CDKL2: variants seen among roughly 807,000 people sequenced by gnomAD.
The protein encoded by CDKL2 is cyclin dependent kinase like 2.
In CDKL2, 64 loss-of-function variants were observed where a neutral mutation model predicts 63.9. The ratio of observed to expected loss-of-function variants is 1.00; its 90% confidence interval spans 0.82 to 1.23. The LOEUF is 1.23. Ranked by LOEUF, CDKL2 falls within the 50% of genes most tolerant of loss-of-function variation. The pLI, the probability that CDKL2 is intolerant of heterozygous loss-of-function variation, is 0.00. For synonymous variants in CDKL2, 211 were observed against 229.2 expected, an observed-to-expected ratio of 0.92 and a Z score of 0.72; for missense variants, 656 against 668.0, an observed-to-expected ratio of 0.98 and a Z score of 0.20.
At chr4:75,584,047 C>T (rs1413804813) in intron 12 of CDKL2, among the ~76,000 whole-genome samples, 1 of 152,190 alleles carries the variant, frequency 6.6e-6, no homozygotes, top group East Asian at 1.9e-4. Context: ...GTTAATCAAA[C>T]TAATTTCAGT....
intron 1 of CDKL2, among the ~76,000 whole-genome samples, chr4:75,626,816 A>G (rs542440962): frequency 6.6e-6 from 1 of 152,062 alleles, no homozygotes; most frequent in Non-Finnish European, 1.5e-5. Flanking sequence ...GCTTGAGCCC[A>G]GGAGGTTGAG....
intron 4 of CDKL2, 116 bp from the exon 5 acceptor site, chr4:75,605,750 T>C: frequency 1.6e-6 from 1 of 633,196 alleles, no homozygotes; most frequent in East Asian, 2.8e-5. Flanking sequence ...ATTTCAGATT[T>C]CAGATTCTCA....
chr4:75,605,613 A>G lies in CDKL2; in HGVS notation c.564T>C (p.Ile188=), dbSNP rs1257991010. The change falls in exon 5 of 14, where the codon ATT becomes ATC. Residue 188 remains isoleucine (I), a synonymous_variant. Coordinates refer to ENST00000307465, the MANE Select transcript of CDKL2 (RefSeq NM_001330724.2). ...KYGKAVDVWA[I]GCLVTEMFMG... ...TGAACATTTCAGTTACCAGACAACC[A>G]ATGGCCCACACATCAACAGCCCTGA... 5 of 1,613,172 alleles carry G rather than the reference A, an allele frequency of 3.1e-6. No individual in the cohort carries two copies. The African/African-American group carries it at 6.7e-5, about 22-fold the overall frequency.
At chr4:75,593,877 A>G (rs1185846258) in intron 10 of CDKL2, among the ~76,000 whole-genome samples, 1 of 151,740 alleles carries the variant, frequency 6.6e-6, no homozygotes, top group Admixed American at 6.6e-5. Flanking sequence ...CACACACACA[A>G]ACACACACAC....
chr4:75,593,320 T>C (rs1276550699), intron 10 of CDKL2, among the ~76,000 whole-genome samples: 1 of 150,980 alleles, frequency 6.6e-6, no homozygotes, highest in African/African-American at 2.4e-5. Flanking sequence ...ATAAAACATA[T>C]ATAATATATA....
chr4:75,602,486 C>T (rs13103991), intron 6 of CDKL2, among the ~76,000 whole-genome samples: 60,880 of 150,504 alleles, frequency 0.4, 12,948 homozygotes, highest in African/African-American at 0.51. Context: ...CCATCCTATG[C>T]CCTACATTTT....
intron 2 of CDKL2, among the ~76,000 whole-genome samples, chr4:75,621,826 T>G (rs533793676): frequency 6.6e-6 from 1 of 152,232 alleles, no homozygotes; most frequent in African/African-American, 2.4e-5. Context: ...CATAAGGAAA[T>G]TGACCCCAGA....
intron 12 of CDKL2, among the ~76,000 whole-genome samples, chr4:75,589,299 C>CTTTTT (rs34052339): frequency 6.8e-5 from 6 of 88,394 alleles, no homozygotes; most frequent in South Asian, 3.7e-4. Flanking sequence ...TTGATAGTTT[C>CTTTTT]TTTTTTTTTT....
At chr4:75,621,201 G>T (rs192239842) in intron 2 of CDKL2, among the ~76,000 whole-genome samples, 97 of 151,094 alleles carry the variant, frequency 6.4e-4, no homozygotes, top group African/African-American at 2.1e-3. Context: ...CTCCCAAAGT[G>T]CTGAGATTAA....
chr4:75,627,583 T>C (rs1281550577), intron 1 of CDKL2, among the ~76,000 whole-genome samples: 2 of 152,122 alleles, frequency 1.3e-5, no homozygotes, highest in Non-Finnish European at 2.9e-5. Flanking sequence ...AATTTAGTTT[T>C]AATAAAGATC....
At chr4:75,590,306 G>A (rs1435824400) in intron 12 of CDKL2, among the ~76,000 whole-genome samples, 1 of 152,186 alleles carries the variant, frequency 6.6e-6, no homozygotes, top group Non-Finnish European at 1.5e-5. Flanking sequence ...GAAATTGTTG[G>A]CAAGAGATAA....
chr4:75,628,542 A>T (rs1383556485), intron 1 of CDKL2, among the ~76,000 whole-genome samples: 1 of 152,224 alleles, frequency 6.6e-6, no homozygotes, highest in African/African-American at 2.4e-5. Context: ...GTACAGAAAA[A>T]AATTATTTCA....
chr4:75,596,483 T>C, intron 9 of CDKL2, 143 bp from the exon 10 acceptor site: 1 of 627,390 alleles, frequency 1.6e-6, no homozygotes, highest in Non-Finnish European at 2.8e-6. Flanking sequence ...TGCACATAAA[T>C]CTGGTGAAAC....
chr4:75,626,474 G>A (rs1730416997), intron 1 of CDKL2, among the ~76,000 whole-genome samples: 1 of 152,038 alleles, frequency 6.6e-6, no homozygotes, highest in Non-Finnish European at 1.5e-5. Flanking sequence ...AGACCATCCT[G>A]GCTAACACGG....
At position 75,579,139 on chromosome 4, in the gene CDKL2, T is replaced by C. The variant is rs1266875949; in HGVS notation, c.*63A>G. On this transcript the variant is annotated 3_prime_UTR_variant, in exon 14 of 14. Transcript: ENST00000307465. ...CTCTCCTCTTGGGATATCAGCACTC[T>C]TGCTGCAAGAAGATGTCATCTCAAG... 3 of 152,260 alleles carry C rather than the reference T, an allele frequency of 2.0e-5. No individual in the cohort carries two copies. Among genetic ancestry groups the C allele is most frequent in the African/African-American group, 4.8e-5 (2 of 41,450 alleles). 9.4% of individuals were successfully genotyped at this position (152,260 alleles called of 1,614,324 possible).
intron 2 of CDKL2, among the ~76,000 whole-genome samples, chr4:75,618,359 A>G (rs1730020387): frequency 7.0e-6 from 1 of 142,506 alleles, no homozygotes; most frequent in Non-Finnish European, 1.5e-5. Context: ...GGTTCAAGCA[A>G]TTCTCCTGCC....
intron 2 of CDKL2, among the ~76,000 whole-genome samples, chr4:75,615,609 A>G (rs1729895375): frequency 6.6e-6 from 1 of 152,230 alleles, no homozygotes; most frequent in African/African-American, 2.4e-5. Flanking sequence ...TAAATCTTAT[A>G]CAAATGTGGG....
chr4:75,605,611 C>T lies in CDKL2; in HGVS notation c.566G>A (p.Gly189Asp), dbSNP rs368747899. 6.2e-7 allele frequency: 1 copy of T among 1,613,224 alleles called. No homozygotes were observed. The highest frequency in any genetic ancestry group is 1.3e-5 in the African/African-American group (1 of 74,888). ...CATGAACATTTCAGTTACCAGACAACCAATGGCCCACACATCAACAGCCCT... is the reference window on the plus strand; with the variant it reads ...CATGAACATTTCAGTTACCAGACAATCAATGGCCCACACATCAACAGCCCT... ...YGKAVDVWAI[G>D]CLVTEMFMGE... The change falls in exon 5 of 14, where the codon GGT becomes GAT. Residue 189 changes from glycine (G) to aspartate (D), a missense_variant. By Grantham distance (94) the Gly-to-Asp change is moderately conservative. Transcript: ENST00000307465.
intron 10 of CDKL2, among the ~76,000 whole-genome samples, chr4:75,594,862 T>A (rs1038315024): frequency 2.6e-5 from 4 of 152,012 alleles, no homozygotes; most frequent in African/African-American, 9.7e-5. Context: ...TAGGTGGAGA[T>A]GGGATAGAGG....
Sources: gnomAD v4.1 joint callset for allele counts (sites outside exome capture counted in the v4.1 genomes callset) on GRCh38, gnomAD v4.1.1 for gene constraint, MANE v1.5 for transcripts, NCBI Gene and HGNC (gene_info 2026-07-23, HGNC 2026-07-21) for gene names.